The following ARIH1 variants were observed in gnomAD, a reference collection of about 807,000 sequenced individuals.
The protein encoded by ARIH1 is ariadne RBR E3 ubiquitin protein ligase 1, also known as E3 ubiquitin-protein ligase ARIH1.
ARIH1 carries 8 observed loss-of-function variants against 85.0 expected under a neutral mutation model. That is an observed-to-expected ratio of 0.09 (90% CI 0.06 to 0.17). The LOEUF (loss-of-function observed/expected upper bound fraction) is 0.17. Ranked by LOEUF, ARIH1 falls within the 10% of genes least tolerant of loss-of-function variation. ARIH1 has a pLI of 1.00. For missense variants in ARIH1, 311 were observed against 718.1 expected (o/e 0.43, Z 6.48); for synonymous variants, 238 against 253.6 (o/e 0.94, Z 0.59).
chr15:72,563,192 A>G (rs1407917348), intron 6 of ARIH1, among the ~76,000 whole-genome samples: 5 of 152,140 alleles, frequency 3.3e-5, no homozygotes, highest in Admixed American at 6.6e-5. Context: ...TCGGGACTAC[A>G]GGCACATACC....
chr15:72,569,635 T>C (rs2064234950), intron 9 of ARIH1, among the ~76,000 whole-genome samples: 1 of 152,222 alleles, frequency 6.6e-6, no homozygotes, highest in Admixed American at 6.5e-5. Flanking sequence ...AGTTGATGCA[T>C]ATAAAACACT....
At chr15:72,511,298 T>G (rs2063949656) in intron 1 of ARIH1, among the ~76,000 whole-genome samples, 1 of 152,070 alleles carries the variant, frequency 6.6e-6, no homozygotes, top group Non-Finnish European at 1.5e-5. Flanking sequence ...TAGCTGATCT[T>G]TTCTTTCTTT....
At position 72,474,726 on chromosome 15, in the gene ARIH1, C is replaced by T. The variant is rs761158526; in HGVS notation, c.87C>T (p.Asp29=). The change falls in exon 1 of 14, where the codon GAC becomes GAT. Residue 29 remains aspartate (D), a synonymous_variant. Transcript: ENST00000379887. ...ACAGCGGCGCCGAGGAGGAGGAGGA[C>T]GAAGACGACGACGAGCCGGACGATG... The part of the protein sequence containing the change: ...EEDSGAEEEE[D]EDDDEPDDDT... 5 of 1,561,676 alleles carry T rather than the reference C, an allele frequency of 3.2e-6. No homozygotes were observed. The South Asian group carries it at 4.7e-5, about 15-fold the overall frequency.
chr15:72,544,041 A>G (rs901848613), intron 2 of ARIH1, among the ~76,000 whole-genome samples: 2 of 152,134 alleles, frequency 1.3e-5, no homozygotes, highest in African/African-American at 4.8e-5. Flanking sequence ...TTAAAACTCT[A>G]GGTAGTACTT....
intron 1 of ARIH1, among the ~76,000 whole-genome samples, chr15:72,486,415 C>T (rs2063837659): frequency 6.6e-6 from 1 of 152,046 alleles, no homozygotes; most frequent in African/African-American, 2.4e-5. Flanking sequence ...TTCACTGTTA[C>T]CAGATTGAAA....
chr15:72,474,396 C>A lies in ARIH1; in HGVS notation c.-244C>A. On this transcript the variant is annotated 5_prime_UTR_variant, in exon 1 of 14. Transcript: ENST00000379887. ...TTTTCTCTCGGAGGCCGGAGCGGAGCCGCGTCTGACTGAGGCGGGCAGCAA... is the reference window on the plus strand; with the variant it reads ...TTTTCTCTCGGAGGCCGGAGCGGAGACGCGTCTGACTGAGGCGGGCAGCAA... The A allele has an allele frequency of 1.9e-6, 1 of 529,614 alleles. No homozygotes were observed. Among genetic ancestry groups the A allele is most frequent in the Admixed American group, 3.8e-5 (1 of 26,462 alleles). 32.8% of individuals were successfully genotyped at this position (529,614 alleles called of 1,614,324 possible).
At chr15:72,502,580 T>C (rs913661388) in intron 1 of ARIH1, among the ~76,000 whole-genome samples, 1 of 152,068 alleles carries the variant, frequency 6.6e-6, no homozygotes, top group Non-Finnish European at 1.5e-5. Flanking sequence ...TAAGACAGGC[T>C]GATTGCTTCA....
intron 3 of ARIH1, among the ~76,000 whole-genome samples, chr15:72,554,962 C>T (rs555612490): frequency 2.0e-5 from 3 of 152,112 alleles, no homozygotes; most frequent in East Asian, 1.9e-4. Flanking sequence ...CATGTTGCCC[C>T]GCCTTCATGG....
intron 9 of ARIH1, among the ~76,000 whole-genome samples, chr15:72,567,830 G>A (rs1280899310): frequency 1.3e-5 from 2 of 152,072 alleles, no homozygotes; most frequent in African/African-American, 4.8e-5. Context: ...TGGTAGGTTG[G>A]TTCATGGGCT....
rs1342833626 is a variant in ARIH1 at position 72,591,404 on chromosome 15, C to G, written c.*8112C>G. The G allele has an allele frequency of 6.6e-6, 1 of 152,062 alleles. No homozygotes were observed. The highest frequency in any genetic ancestry group is 1.5e-5 in the Non-Finnish European group (1 of 68,012). 9.4% of individuals were successfully genotyped at this position (152,062 alleles called of 1,614,324 possible). On this transcript the variant is annotated 3_prime_UTR_variant, in exon 14 of 14. Transcript: ENST00000379887. ...TAGTGCCCTATAAGCCAGTTCAGTG[C>G]ACATTAAATGGCTGTTCTTAGAATT...
chr15:72,528,127 A>G (rs1446196782), intron 2 of ARIH1, among the ~76,000 whole-genome samples: 3 of 152,212 alleles, frequency 2.0e-5, no homozygotes, highest in Non-Finnish European at 4.4e-5. Context: ...TTATTAAATT[A>G]TAATAACATT....
At chr15:72,572,024 A>C in intron 10 of ARIH1, 84 bp from the exon 11 acceptor site, 1 of 979,718 alleles carries the variant, frequency 1.0e-6, no homozygotes, top group East Asian at 2.4e-5. Context: ...ATAATCTGTA[A>C]ATCCAGGTTA....
At position 72,596,442 on chromosome 15, in the gene ARIH1, T is replaced by C. The variant is rs906182669; in HGVS notation, c.*13150T>C. 9.2e-5 allele frequency: 14 copies of C among 152,206 alleles called. No homozygotes were observed. Among genetic ancestry groups the C allele is most frequent in the African/African-American group, 2.9e-4 (12 of 41,456 alleles). 9.4% of individuals were successfully genotyped at this position (152,206 alleles called of 1,614,324 possible). A position where few individuals can be genotyped will look rare whatever the true frequency, so the allele number is the denominator to read the frequency against. ...GAATGTCTAGGTATGTTTTTCTTTG[T>C]ATAGAGTTTACTGAACTTCTTGGAT... On this transcript the variant is annotated 3_prime_UTR_variant, in exon 14 of 14. Transcript: ENST00000379887.
chr15:72,484,807 C>T (rs2063831452), intron 1 of ARIH1, among the ~76,000 whole-genome samples: 1 of 149,886 alleles, frequency 6.7e-6, no homozygotes, highest in Non-Finnish European at 1.5e-5. Context: ...ACACACACAC[C>T]ACAGTTTCTT....
chr15:72,533,483 A>T (rs1269107357), intron 2 of ARIH1, among the ~76,000 whole-genome samples: 1 of 152,258 alleles, frequency 6.6e-6, no homozygotes, highest in Non-Finnish European at 1.5e-5. Context: ...GTGATTGTAC[A>T]TGTGGAAAAA....
At chr15:72,528,756 G>A (rs2064041510) in intron 2 of ARIH1, among the ~76,000 whole-genome samples, 1 of 152,214 alleles carries the variant, frequency 6.6e-6, no homozygotes, top group South Asian at 2.1e-4. Flanking sequence ...TCAGAAGGCT[G>A]AGGCAGGAGG....
At chr15:72,580,611 G>C in intron 11 of ARIH1, 120 bp from the exon 12 acceptor site, 1 of 941,894 alleles carries the variant, frequency 1.1e-6, no homozygotes, top group South Asian at 1.9e-5. Flanking sequence ...TCATCTTTTT[G>C]ATAAAAACCA....
At chr15:72,567,207 A>G (rs748462911) in intron 9 of ARIH1, 30 bp downstream of exon 9, 6 of 1,569,342 alleles carry the variant, frequency 3.8e-6, no homozygotes, top group Non-Finnish European at 5.2e-6. Flanking sequence ...AACTCTTGGT[A>G]ATAAAAATGA....
intron 2 of ARIH1, among the ~76,000 whole-genome samples, chr15:72,519,730 C>T (rs1195423220): frequency 2.0e-5 from 3 of 151,832 alleles, no homozygotes; most frequent in Non-Finnish European, 4.4e-5. Context: ...GTGATCTGCC[C>T]GCCTCAGCCT....
Sources: allele counts gnomAD v4.1 joint callset (sites outside exome capture counted in the v4.1 genomes callset), GRCh38; gene constraint gnomAD v4.1.1; transcripts MANE v1.5; gene names NCBI Gene and HGNC (gene_info 2026-07-23, HGNC 2026-07-21).